The following CHN2 variants were observed in gnomAD, a reference collection of about 807,000 sequenced individuals.
CHN2 encodes beta-chimaerin.
In CHN2, 35 loss-of-function variants were observed where a neutral mutation model predicts 56.3. The observed-to-expected ratio is 0.62, with a 90% CI of 0.47 to 0.82. The LOEUF (loss-of-function observed/expected upper bound fraction) is 0.82. Ranked by LOEUF, CHN2 falls within the 40% of genes least tolerant of loss-of-function variation. CHN2 has a pLI of 0.00. For missense variants in CHN2, 491 were observed against 580.5 expected (o/e 0.85, Z 1.58); for synonymous variants, 210 against 212.8 (o/e 0.99, Z 0.12).
chr7:29,496,315 GA>G (rs368969776), intron 8 of CHN2, among the ~76,000 whole-genome samples: 9 of 147,708 alleles, frequency 6.1e-5, no homozygotes, highest in South Asian at 2.2e-4. Context: ...GTCCGTAAAA[GA>G]AAAAAAAAAT....
At chr7:29,488,010 G>T (rs944360695) in intron 7 of CHN2, among the ~76,000 whole-genome samples, 2 of 152,162 alleles carry the variant, frequency 1.3e-5, no homozygotes, top group Admixed American at 1.3e-4. Flanking sequence ...TTATGCAGTG[G>T]GGAGACTCCC....
chr7:29,414,080 CTG>C (rs1803499415), intron 6 of CHN2, among the ~76,000 whole-genome samples: 1 of 152,150 alleles, frequency 6.6e-6, no homozygotes, highest in African/African-American at 2.4e-5. Flanking sequence ...CTATAAAGCT[CTG>C]TATACCTTTA....
At chr7:29,366,223 G>T (rs901680236) in intron 2 of CHN2, among the ~76,000 whole-genome samples, 3 of 152,168 alleles carry the variant, frequency 2.0e-5, no homozygotes, top group African/African-American at 7.2e-5. Flanking sequence ...GAGCAGAGAT[G>T]TGGGAGCCTT....
intron 2 of CHN2, among the ~76,000 whole-genome samples, chr7:29,184,259 G>A (rs554725107): frequency 6.7e-6 from 1 of 150,302 alleles, no homozygotes; most frequent in Admixed American, 6.6e-5. Context: ...CTATATATAA[G>A]ATATATAGTG....
intron 1 of CHN2, among the ~76,000 whole-genome samples, chr7:29,281,993 C>G (rs528330334): frequency 2.6e-5 from 4 of 152,290 alleles, no homozygotes; most frequent in East Asian, 1.9e-4. Context: ...CCATAAATAA[C>G]ATAGAGACAG....
At chr7:29,286,604 G>A (rs1792171159) in intron 1 of CHN2, among the ~76,000 whole-genome samples, 1 of 152,076 alleles carries the variant, frequency 6.6e-6, no homozygotes, top group African/African-American at 2.4e-5. Context: ...GAGGGTAAGG[G>A]GAAAAATAAG....
chr7:29,251,992 C>A (rs245967), intron 1 of CHN2, among the ~76,000 whole-genome samples: 25,266 of 151,990 alleles, frequency 0.17, 5,313 homozygotes, highest in African/African-American at 0.5. Context: ...CAAATTCATT[C>A]TCATTAACCC....
At chr7:29,399,515 T>A (rs1002394082) in intron 5 of CHN2, among the ~76,000 whole-genome samples, 1 of 152,204 alleles carries the variant, frequency 6.6e-6, no homozygotes, top group African/African-American at 2.4e-5. Flanking sequence ...CAAACCTTGA[T>A]CAAATATTTT....
chr7:29,252,373 A>G (rs1167791489), intron 1 of CHN2, among the ~76,000 whole-genome samples: 1 of 150,564 alleles, frequency 6.6e-6, no homozygotes, highest in African/African-American at 2.4e-5. Flanking sequence ...TATTTTTAGT[A>G]GAGATGGAGT....
intron 12 of CHN2, among the ~76,000 whole-genome samples, chr7:29,511,253 A>G (rs1791345544): frequency 1.3e-5 from 2 of 152,188 alleles, no homozygotes; most frequent in Non-Finnish European, 2.9e-5. Context: ...GGGTGATGGT[A>G]ACATTTAGCT....
At chr7:29,485,939 G>A (rs572109047) in intron 7 of CHN2, among the ~76,000 whole-genome samples, 2 of 152,034 alleles carry the variant, frequency 1.3e-5, no homozygotes, top group East Asian at 1.9e-4. Context: ...CCTTCTTCCC[G>A]ATATGGAATA....
rs547172157 is a variant in CHN2, at chr7:29,433,453, G to T, written c.576+32625G>T. 1.1e-4 allele frequency among the ~76,000 whole-genome samples: 17 copies of T among 152,304 alleles called. No individual in the cohort carries two copies. The East Asian group carries it at 3.3e-3, about 29-fold the overall frequency. On this transcript the variant is annotated intron_variant, in intron 6 of 12. Coordinates refer to ENST00000222792, the MANE Select transcript of CHN2 (RefSeq NM_004067.4). ...TTTATATTACAGTGACTATTTAATG[G>T]ATATAGATTTTTTAGAGTGAAATGA...
At chr7:29,211,058 TG>T (rs377191977) in intron 1 of CHN2, among the ~76,000 whole-genome samples, 1 of 84,382 alleles carries the variant, frequency 1.2e-5, no homozygotes, top group African/African-American at 4.5e-5. Context: ...TTAGGTGTTT[TG>T]TTTTTTTTTT....
Position 29,511,979 on chromosome 7 carries a change from AAAT to A in CHN2, c.1236-581_1236-579del, listed in dbSNP as rs575246963. On this transcript the variant is annotated intron_variant, in intron 12 of 12. Transcript: ENST00000222792. Reference sequence around the variant, plus strand: ...GTAGACCTCATCCTGTGGGAACTAGAAATAATGTCCAACTGCCGTCCAGTCTGG... The same window carrying A: ...GTAGACCTCATCCTGTGGGAACTAGAAATGTCCAACTGCCGTCCAGTCTGG... Among the ~76,000 whole-genome samples, 194 of 152,196 alleles carry A rather than the reference AAAT, an allele frequency of 1.3e-3. 7 individuals are homozygous for A. In the South Asian group the frequency reaches 0.039, roughly 30 times the overall value.
chr7:29,473,717 G>T (rs920323977), intron 6 of CHN2, among the ~76,000 whole-genome samples: 1 of 151,976 alleles, frequency 6.6e-6, no homozygotes, highest in African/African-American at 2.4e-5. Context: ...GATGCCTGCA[G>T]GTATAAGGCA....
At chr7:29,366,962 C>G (rs1236544138) in intron 2 of CHN2, among the ~76,000 whole-genome samples, 1 of 152,042 alleles carries the variant, frequency 6.6e-6, no homozygotes, top group Non-Finnish European at 1.5e-5. Context: ...TTTTGCTTAT[C>G]TTATTACATT....
chr7:29,496,644 T>A (rs978306638), intron 8 of CHN2, among the ~76,000 whole-genome samples: 7 of 152,214 alleles, frequency 4.6e-5, no homozygotes, highest in Non-Finnish European at 8.8e-5. Context: ...AGATTAGCAG[T>A]GAAACCATGC....
At chr7:29,295,635 A>G (rs1369251165) in intron 1 of CHN2, among the ~76,000 whole-genome samples, 2 of 152,124 alleles carry the variant, frequency 1.3e-5, no homozygotes, top group African/African-American at 4.8e-5. Context: ...AAATCGCTTT[A>G]TGGTTATTGA....
chr7:29,307,022 C>T (rs527461955), intron 1 of CHN2, among the ~76,000 whole-genome samples: 38 of 152,196 alleles, frequency 2.5e-4, no homozygotes, highest in Admixed American at 2.2e-3. Context: ...AGAGGACATC[C>T]GTAATCTCTC....
Sources: gnomAD v4.1 joint callset for allele counts (sites outside exome capture counted in the v4.1 genomes callset) on GRCh38, gnomAD v4.1.1 for gene constraint, MANE v1.5 for transcripts, NCBI Gene and HGNC (gene_info 2026-07-23, HGNC 2026-07-21) for gene names.